SDHAF3: variants seen among roughly 807,000 people sequenced by gnomAD.
SDHAF3 encodes the protein succinate dehydrogenase complex assembly factor 3.
Under a neutral mutation model 11.5 loss-of-function variants are expected in SDHAF3, and 18 were observed. The ratio of observed to expected loss-of-function variants is 1.56; its 90% CI spans 1.08 to 2.32. The LOEUF (loss-of-function observed/expected upper bound fraction) is 2.32. SDHAF3 is among the 30% of genes most tolerant of loss of function. SDHAF3 has a pLI of 0.00. For synonymous variants in SDHAF3, 72 were observed against 59.3 expected, an observed-to-expected ratio of 1.21 and a Z score of -0.99; for missense variants, 200 against 154.4, an observed-to-expected ratio of 1.30 and a Z score of -1.57.
intron 1 of SDHAF3, among the ~76,000 whole-genome samples, chr7:97,136,871 A>G (rs1788926285): frequency 6.6e-6 from 1 of 152,180 alleles, no homozygotes; most frequent in Admixed American, 6.6e-5. Context: ...CTTAGTTTGA[A>G]TGCTTGAAAT....
intron 1 of SDHAF3, among the ~76,000 whole-genome samples, chr7:97,176,953 C>G (rs1201291582): frequency 6.6e-6 from 1 of 152,010 alleles, no homozygotes; most frequent in Non-Finnish European, 1.5e-5. Flanking sequence ...TTCCATTCCC[C>G]TTTCTTACTC....
At chr7:97,121,896 C>T (rs1372587483) in intron 1 of SDHAF3, among the ~76,000 whole-genome samples, 2 of 135,624 alleles carry the variant, frequency 1.5e-5, no homozygotes, top group Non-Finnish European at 3.1e-5. Flanking sequence ...TTCGCTCTAT[C>T]GCCCAGGCTG....
At chr7:97,122,976 T>C (rs1048905668) in intron 1 of SDHAF3, among the ~76,000 whole-genome samples, 2 of 152,174 alleles carry the variant, frequency 1.3e-5, no homozygotes, top group Admixed American at 1.3e-4. Context: ...TGGAAGTACT[T>C]TTTTACTTTT....
At chr7:97,121,201 G>T (rs1791486647) in intron 1 of SDHAF3, among the ~76,000 whole-genome samples, 1 of 152,146 alleles carries the variant, frequency 6.6e-6, no homozygotes, top group African/African-American at 2.4e-5. Context: ...CATTTTAAAA[G>T]TTCTGACTGT....
chr7:97,179,203 C>T (rs1789733242), intron 1 of SDHAF3, among the ~76,000 whole-genome samples: 1 of 152,122 alleles, frequency 6.6e-6, no homozygotes. Context: ...TATATCTATT[C>T]TAATGCCAGT....
At chr7:97,170,257 C>G (rs1486001548) in intron 1 of SDHAF3, among the ~76,000 whole-genome samples, 1 of 152,002 alleles carries the variant, frequency 6.6e-6, no homozygotes, top group Admixed American at 6.6e-5. Flanking sequence ...CAGAAAGTTT[C>G]CTTGTGCCTC....
At chr7:97,124,954 C>T (rs1238733734) in intron 1 of SDHAF3, among the ~76,000 whole-genome samples, 1 of 152,088 alleles carries the variant, frequency 6.6e-6, no homozygotes, top group Non-Finnish European at 1.5e-5. Context: ...AGTTTGACTT[C>T]CTCTCTTCTT....
chr7:97,135,865 T>C (rs1043010614), intron 1 of SDHAF3, among the ~76,000 whole-genome samples: 1 of 151,050 alleles, frequency 6.6e-6, no homozygotes, highest in African/African-American at 2.4e-5. Context: ...TTTTTTGTAT[T>C]TTTAGTAGAG....
chr7:97,145,050 G>GTTT (rs545292829), intron 1 of SDHAF3, among the ~76,000 whole-genome samples: 3 of 131,454 alleles, frequency 2.3e-5, no homozygotes, highest in Non-Finnish European at 3.3e-5. Context: ...AGTATTTTTT[G>GTTT]TTTTTTTTTT....
At chr7:97,118,369 A>C (rs1444191147) in intron 1 of SDHAF3, among the ~76,000 whole-genome samples, 2 of 152,206 alleles carry the variant, frequency 1.3e-5, no homozygotes, top group African/African-American at 4.8e-5. Context: ...TGATACAGAA[A>C]TCAGGTAACA....
At chr7:97,174,981 A>T (rs1402390396) in intron 1 of SDHAF3, among the ~76,000 whole-genome samples, 1 of 152,124 alleles carries the variant, frequency 6.6e-6, no homozygotes, top group African/African-American at 2.4e-5. Context: ...TGATAATTAG[A>T]TGTAGAGGCT....
chr7:97,132,745 G>T (rs530265470), intron 1 of SDHAF3, among the ~76,000 whole-genome samples: 5 of 152,134 alleles, frequency 3.3e-5, no homozygotes, highest in Non-Finnish European at 7.4e-5. Flanking sequence ...ACATCAATCA[G>T]GGAGGGTGGA....
intron 1 of SDHAF3, among the ~76,000 whole-genome samples, chr7:97,141,895 A>G (rs1160316987): frequency 2.6e-5 from 4 of 152,102 alleles, no homozygotes; most frequent in Non-Finnish European, 5.9e-5. Flanking sequence ...TGTAAAATTA[A>G]TGGGACAGTA....
At chr7:97,155,835 C>G (rs577323530) in intron 1 of SDHAF3, among the ~76,000 whole-genome samples, 17 of 152,004 alleles carry the variant, frequency 1.1e-4, no homozygotes, top group African/African-American at 3.9e-4. Flanking sequence ...AACTGTCTTA[C>G]AATTAGCTAA....
At chr7:97,153,193 A>G (rs1294859022) in intron 1 of SDHAF3, among the ~76,000 whole-genome samples, 2 of 152,238 alleles carry the variant, frequency 1.3e-5, no homozygotes, top group Non-Finnish European at 2.9e-5. Context: ...TTTTGCTGTC[A>G]TAATTTTCTC....
intron 1 of SDHAF3, among the ~76,000 whole-genome samples, chr7:97,158,505 T>G (rs1357245395): frequency 6.6e-6 from 1 of 152,158 alleles, no homozygotes; most frequent in Non-Finnish European, 1.5e-5. Context: ...TTTTGTATTT[T>G]TAATAGAGAC....
At chr7:97,133,023 C>G (rs1004933702) in intron 1 of SDHAF3, among the ~76,000 whole-genome samples, 1 of 152,074 alleles carries the variant, frequency 6.6e-6, no homozygotes, top group African/African-American at 2.4e-5. Context: ...GAAGAGGGCT[C>G]TCATTTCCAG....
chr7:97,178,230 C>T (rs1789715285), intron 1 of SDHAF3, among the ~76,000 whole-genome samples: 1 of 152,224 alleles, frequency 6.6e-6, no homozygotes, highest in South Asian at 2.1e-4. Context: ...ATCAGAACTT[C>T]ATTCCCTTTT....
intron 1 of SDHAF3, among the ~76,000 whole-genome samples, chr7:97,119,693 A>G (rs758940604): frequency 7.9e-5 from 12 of 152,090 alleles, no homozygotes; most frequent in Non-Finnish European, 1.5e-4. Context: ...TCTACAATGC[A>G]TTTAGTTATT....
Sources: gnomAD v4.1 joint callset for allele counts (sites outside exome capture counted in the v4.1 genomes callset) on GRCh38, gnomAD v4.1.1 for gene constraint, MANE v1.5 for transcripts, NCBI Gene and HGNC (gene_info 2026-07-23, HGNC 2026-07-21) for gene names.